Variants in OR3A2 observed in about 807,000 individuals in gnomAD.
OR3A2 encodes the protein olfactory receptor 3A2.
For synonymous variants in OR3A2, 126 were observed against 159.3 expected (o/e 0.79, Z 1.57); for missense variants, 318 against 392.8 (o/e 0.81, Z 1.61).
chr17:3,319,604 T>C (rs1597337239), intron 3 of OR3A2, among the ~76,000 whole-genome samples: 1 of 152,128 alleles, frequency 6.6e-6, no homozygotes, highest in Non-Finnish European at 1.5e-5. Flanking sequence ...GAACTCCCAC[T>C]TATGAGTGAG....
At position 3,292,541 on chromosome 17, in the gene OR3A2, C is replaced by A. The variant is rs775585120; in HGVS notation, c.-84-13388G>T. ...CCTCCAGCAAGCCCAGCAGGATGAA[C>A]TCAGCAATGACTGTTCCATTGGCCC... is the stretch of plus-strand genomic sequence containing the variant. On this transcript the variant is annotated intron_variant, in intron 3 of 4. Coordinates refer to the OR3A2 transcript ENST00000573491. 7.4e-6 allele frequency: 12 copies of A among 1,613,722 alleles called. No homozygotes were observed. Among genetic ancestry groups the A allele is most frequent in the African/African-American group, 1.3e-5 (1 of 74,878 alleles).
At position 3,311,880 on chromosome 17, in the gene OR3A2, T is replaced by G. The variant is rs1315940542; in HGVS notation, c.-85+24153A>C. 6.3e-6 allele frequency: 1 copy of G among 159,366 alleles called. No homozygotes were observed. Among genetic ancestry groups the G allele is most frequent in the Non-Finnish European group, 1.4e-5 (1 of 71,494 alleles). 9.9% of individuals were successfully genotyped at this position (159,366 alleles called of 1,614,324 possible). ...CAGTCATTTACAGCCTCCAGAACCCTGATGTGCAGGGCACCCTGAAAAGGG... is the reference window on the plus strand; with the variant it reads ...CAGTCATTTACAGCCTCCAGAACCCGGATGTGCAGGGCACCCTGAAAAGGG... On this transcript the variant is annotated intron_variant, in intron 3 of 4. Transcript: ENST00000573491. This position sits in a 1 kb window ranked among gnomAD's most constrained non-coding sequence, Gnocchi z 4.6.
intron 1 of OR3A2, among the ~76,000 whole-genome samples, chr17:3,280,875 A>G (rs1361005421): frequency 6.6e-6 from 1 of 152,216 alleles, no homozygotes; most frequent in East Asian, 1.9e-4. Flanking sequence ...CTTTGTTCAT[A>G]AAAGTGGGAA....
At chr17:3,335,301 T>G (rs560963787) in intron 3 of OR3A2, among the ~76,000 whole-genome samples, 1 of 152,320 alleles carries the variant, frequency 6.6e-6, no homozygotes, top group South Asian at 2.1e-4. Flanking sequence ...TTAAAAAATG[T>G]TTATGCAGTC....
downstream of OR3A2, among the ~76,000 whole-genome samples, chr17:3,276,163 G>GA (rs1264936261): frequency 6.7e-6 from 1 of 150,178 alleles, no homozygotes; most frequent in Non-Finnish European, 1.5e-5. Context: ...CAAAACAATT[G>GA]AAAATAACCC....
chr17:3,322,958 T>C (rs912149850), intron 3 of OR3A2, among the ~76,000 whole-genome samples: 1 of 152,188 alleles, frequency 6.6e-6, no homozygotes, highest in Non-Finnish European at 1.5e-5. Flanking sequence ...CTGTCTAATG[T>C]TGACAGTGGG....
chr17:3,306,069 A>C (rs1005997532), intron 3 of OR3A2, among the ~76,000 whole-genome samples: 1 of 152,220 alleles, frequency 6.6e-6, no homozygotes, highest in Non-Finnish European at 1.5e-5. Flanking sequence ...TGGATACTCA[A>C]GAAGGTGGTT....
At chr17:3,292,034 G>A in intron 3 of OR3A2, 1 of 1,614,224 alleles carries the variant, frequency 6.2e-7, no homozygotes, top group Non-Finnish European at 8.5e-7. Flanking sequence ...GCTGTGGGAG[G>A]TCACAGTAGA....
At chr17:3,315,253 A>C (rs1335597100) in intron 3 of OR3A2, among the ~76,000 whole-genome samples, 3 of 152,174 alleles carry the variant, frequency 2.0e-5, no homozygotes, top group Admixed American at 6.5e-5. Flanking sequence ...GTTCTTTGAG[A>C]AATCTCCAGA....
intron 1 of OR3A2, among the ~76,000 whole-genome samples, chr17:3,281,367 G>A (rs977043162): frequency 1.3e-5 from 2 of 151,908 alleles, no homozygotes; most frequent in East Asian, 3.9e-4. Context: ...CTCAGTAGCT[G>A]GGACTACAGG....
intron 2 of OR3A2, among the ~76,000 whole-genome samples, chr17:3,339,540 T>G (rs1567560527): frequency 6.6e-6 from 1 of 152,186 alleles, no homozygotes; most frequent in Non-Finnish European, 1.5e-5. Flanking sequence ...ATCATGTGGT[T>G]TTTGTCTTTG....
Position 3,372,496 on chromosome 17 carries a change from G to A in OR3A2, c.-179+11308C>T, listed in dbSNP as rs867336134. Among the ~76,000 whole-genome samples, 705 of 152,096 alleles carry A rather than the reference G, an allele frequency of 4.6e-3. 1 individual carries two copies. The highest frequency in any genetic ancestry group is 0.027 in the Middle Eastern group (8 of 294). On this transcript the variant is annotated intron_variant, in intron 2 of 4. Transcript: ENST00000573491. ...GCGGCTGGGAGGTGGAGGTTGTAGC[G>A]AGCTGAGATCACGCCACTGCACTCC...
intron 3 of OR3A2, among the ~76,000 whole-genome samples, chr17:3,319,966 ATGGT>A (rs2049106392): frequency 6.6e-6 from 1 of 152,190 alleles, no homozygotes; most frequent in Admixed American, 6.5e-5. Flanking sequence ...GACTTCCACA[ATGGT>A]TGAACTAGTT....
At chr17:3,292,125 G>A (rs757609209) in intron 3 of OR3A2, 2 of 1,614,188 alleles carry the variant, frequency 1.2e-6, no homozygotes, top group South Asian at 1.1e-5. Context: ...GAAAGCACAA[G>A]CCCAGGACGC....
intron 3 of OR3A2, among the ~76,000 whole-genome samples, chr17:3,321,720 G>A (rs796406358): frequency 1.3e-5 from 2 of 152,250 alleles, no homozygotes; most frequent in African/African-American, 4.8e-5. Flanking sequence ...TTGCATCCCA[G>A]GGATGAAGCC....
chr17:3,374,025 C>T (rs1370592745), intron 2 of OR3A2, among the ~76,000 whole-genome samples: 1 of 152,150 alleles, frequency 6.6e-6, no homozygotes, highest in East Asian at 1.9e-4. Context: ...ATTTGTCAGT[C>T]TGAGAAAGAT....
chr17:3,310,180 C>G, intron 3 of OR3A2: 1 of 383,004 alleles, frequency 2.6e-6, no homozygotes, highest in South Asian at 2.0e-5. Context: ...TTCATGCGTT[C>G]TTCCATCCCG....
At chr17:3,380,451 A>T (rs1037513072) in intron 2 of OR3A2, among the ~76,000 whole-genome samples, 4 of 152,102 alleles carry the variant, frequency 2.6e-5, no homozygotes, top group African/African-American at 7.2e-5. Context: ...GGGTGGAATG[A>T]TATCTAGGAA....
At chr17:3,344,616 T>C (rs1195243481) in intron 2 of OR3A2, among the ~76,000 whole-genome samples, 1 of 152,214 alleles carries the variant, frequency 6.6e-6, no homozygotes, top group African/African-American at 2.4e-5. Context: ...CTTATAGTCA[T>C]ATCCTTTTCC....
Sources: allele counts gnomAD v4.1 joint callset (sites outside exome capture counted in the v4.1 genomes callset), GRCh38; gene constraint gnomAD v4.1.1; non-coding constraint Gnocchi (gnomAD v3.1); transcripts MANE v1.5; gene names NCBI Gene and HGNC (gene_info 2026-07-23, HGNC 2026-07-21).